Variants in EPHA6 observed in about 807,000 individuals in gnomAD.
The protein encoded by EPHA6 is ephrin type-A receptor 6.
A neutral mutation model predicts 112.0 loss-of-function variants in EPHA6; 50 were observed. That is an observed-to-expected ratio of 0.45 (90% confidence interval 0.36 to 0.56). The LOEUF is 0.56. EPHA6 is among the 20% of genes least tolerant of loss of function. The pLI, the probability that EPHA6 is intolerant of heterozygous loss-of-function variation, is 0.00. For synonymous variants in EPHA6, 529 were observed against 490.7 expected, an observed-to-expected ratio of 1.08 and a Z score of -1.03; for missense variants, 1,280 against 1,417.4, an observed-to-expected ratio of 0.90 and a Z score of 1.56.
intron 5 of EPHA6, among the ~76,000 whole-genome samples, chr3:97,293,185 G>A (rs1559857352): frequency 6.6e-6 from 1 of 152,202 alleles, no homozygotes; most frequent in African/African-American, 2.4e-5. Context: ...GCTCTCAGCA[G>A]AGAGGAGACC....
intron 2 of EPHA6, among the ~76,000 whole-genome samples, chr3:96,985,447 T>C (rs1337838411): frequency 2.6e-5 from 4 of 152,150 alleles, no homozygotes; most frequent in Non-Finnish European, 5.9e-5. Context: ...CAGTTATATT[T>C]AGAATGATTA....
intron 13 of EPHA6, among the ~76,000 whole-genome samples, chr3:97,630,557 A>G (rs1316020098): frequency 6.6e-6 from 1 of 152,062 alleles, no homozygotes; most frequent in African/African-American, 2.4e-5. Context: ...TCCTCCAAGG[A>G]CTGTTTTCTG....
At chr3:97,205,281 G>A (rs183063724) in intron 3 of EPHA6, among the ~76,000 whole-genome samples, 149 of 152,134 alleles carry the variant, frequency 9.8e-4, no homozygotes, top group African/African-American at 3.3e-3. Context: ...AAAATATTTA[G>A]TATGAAATTT....
chr3:97,464,438 A>G (rs1353920180), intron 7 of EPHA6, among the ~76,000 whole-genome samples: 1 of 152,146 alleles, frequency 6.6e-6, no homozygotes, highest in Non-Finnish European at 1.5e-5. Flanking sequence ...GTACAAAAAT[A>G]TGGTGAAGCA....
intron 5 of EPHA6, among the ~76,000 whole-genome samples, chr3:97,258,191 C>G (rs2108612932): frequency 6.6e-6 from 1 of 151,804 alleles, no homozygotes; most frequent in African/African-American, 2.4e-5. Flanking sequence ...CACATAAAAT[C>G]TATGCATTAA....
chr3:97,180,420 C>T (rs1175629427), intron 3 of EPHA6, among the ~76,000 whole-genome samples: 1 of 152,056 alleles, frequency 6.6e-6, no homozygotes, highest in Non-Finnish European at 1.5e-5. Context: ...GCAAAGACCC[C>T]TTTACTTTTC....
At chr3:97,382,064 ATAATGTTAAC>A (rs1275215216) in intron 5 of EPHA6, among the ~76,000 whole-genome samples, 1 of 152,114 alleles carries the variant, frequency 6.6e-6, no homozygotes, top group Admixed American at 6.5e-5. Flanking sequence ...TTAAATATCT[ATAATGTTAAC>A]TATTTAGAAA....
chr3:96,852,770 C>T (rs1197178050), intron 1 of EPHA6, among the ~76,000 whole-genome samples: 2 of 152,036 alleles, frequency 1.3e-5, no homozygotes, highest in African/African-American at 4.8e-5. Context: ...ATAATAACTG[C>T]ATCTGTTGGT....
intron 11 of EPHA6, among the ~76,000 whole-genome samples, chr3:97,542,896 G>T (rs183984768): frequency 1.8e-4 from 27 of 152,184 alleles, no homozygotes; most frequent in African/African-American, 4.6e-4. Context: ...ATGTCTTCTT[G>T]TGAGAAGTGT....
chr3:97,475,071 T>G (rs1228632577), intron 7 of EPHA6, among the ~76,000 whole-genome samples: 1 of 152,096 alleles, frequency 6.6e-6, no homozygotes, highest in Non-Finnish European at 1.5e-5. Context: ...CAGCACATAC[T>G]TAATCTTAAA....
At chr3:97,452,854 A>G (rs995415136) in intron 7 of EPHA6, among the ~76,000 whole-genome samples, 26 of 151,708 alleles carry the variant, frequency 1.7e-4, no homozygotes, top group Admixed American at 1.6e-3. Flanking sequence ...ATTTATTATT[A>G]TTTCTGAGCT....
At chr3:97,123,329 C>G (rs1186433858) in intron 3 of EPHA6, among the ~76,000 whole-genome samples, 1 of 152,034 alleles carries the variant, frequency 6.6e-6, no homozygotes, top group East Asian at 1.9e-4. Flanking sequence ...AGCCTAGTTT[C>G]TCGCCTTTTT....
At chr3:97,618,652 G>A in intron 13 of EPHA6, among the ~76,000 whole-genome samples, 1 of 152,048 alleles carries the variant, frequency 6.6e-6, no homozygotes, top group East Asian at 1.9e-4. Context: ...ACATAAATTA[G>A]AAAATCTAGA....
chr3:96,862,326 A>C (rs1320836492), intron 1 of EPHA6, among the ~76,000 whole-genome samples: 1 of 151,910 alleles, frequency 6.6e-6, no homozygotes, highest in Non-Finnish European at 1.5e-5. Flanking sequence ...TTACTGAGTG[A>C]CTTAGTAACT....
intron 5 of EPHA6, among the ~76,000 whole-genome samples, chr3:97,333,471 T>TC (rs986662441): frequency 1.1e-4 from 15 of 138,280 alleles, no homozygotes; most frequent in African/African-American, 4.2e-4. Context: ...GGCTTTTCTT[T>TC]TTTTTTTTTT....
At chr3:97,641,002 T>TTGGA (rs1334998306) in intron 14 of EPHA6, among the ~76,000 whole-genome samples, 1 of 152,094 alleles carries the variant, frequency 6.6e-6, no homozygotes, top group Non-Finnish European at 1.5e-5. Flanking sequence ...CAATAATTAA[T>TTGGA]TGGATATTAA....
chr3:97,241,771 G>GTT (rs1220773703), intron 4 of EPHA6, among the ~76,000 whole-genome samples: 7 of 103,678 alleles, frequency 6.8e-5, no homozygotes, highest in Admixed American at 5.9e-4. Context: ...TTTTTTTTTT[G>GTT]TTTTTTTTTT....
At chr3:97,636,100 ACT>A (rs2093942617) in intron 13 of EPHA6, among the ~76,000 whole-genome samples, 1 of 151,964 alleles carries the variant, frequency 6.6e-6, no homozygotes, top group South Asian at 2.1e-4. Flanking sequence ...AAGTTAGATG[ACT>A]CTATTCTCAT....
intron 5 of EPHA6, among the ~76,000 whole-genome samples, chr3:97,347,174 C>T (rs916192386): frequency 2.0e-5 from 3 of 152,094 alleles, no homozygotes; most frequent in Non-Finnish European, 4.4e-5. Flanking sequence ...ATTTATCATC[C>T]AGACTTCACT....
Sources: gnomAD v4.1 joint callset for allele counts (sites outside exome capture counted in the v4.1 genomes callset) on GRCh38, gnomAD v4.1.1 for gene constraint, MANE v1.5 for transcripts, NCBI Gene and HGNC (gene_info 2026-07-23, HGNC 2026-07-21) for gene names.